The following CCDC187 variants were observed in gnomAD, a reference collection of about 807,000 sequenced individuals.
The protein encoded by CCDC187 is coiled-coil domain-containing protein 187.
Under a neutral mutation model 38.0 loss-of-function variants are expected in CCDC187, and 32 were observed. The ratio of observed to expected loss-of-function variants is 0.84; its 90% CI spans 0.64 to 1.13. The LOEUF (loss-of-function observed/expected upper bound fraction) is 1.13, where lower values mean the gene tolerates loss of function less well. CCDC187 is among the 50% of genes most tolerant of loss of function. CCDC187 has a pLI of 0.00. For synonymous variants in CCDC187, 333 were observed against 347.9 expected (o/e 0.96, Z 0.48); for missense variants, 707 against 786.8 (o/e 0.90, Z 1.21).
At chr9:136,286,063 C>G in intron 8 of CCDC187, 22 bp downstream of exon 8, 1 of 398,362 alleles carries the variant, frequency 2.5e-6, no homozygotes, top group East Asian at 3.6e-5. Context: ...CAGCGGTCAC[C>G]GTGTCCCGGG....
chr9:136,284,132 G>A lies in CCDC187; in HGVS notation c.2927+1381C>T, dbSNP rs1481615997. Among the ~76,000 whole-genome samples the A allele has an allele frequency of 1.6e-4, 24 of 152,244 alleles. No individual in the cohort carries two copies. In the East Asian group the frequency reaches 4.5e-3, roughly 28 times the overall value. On this transcript the variant is annotated intron_variant, in intron 9 of 25. Coordinates refer to ENST00000638797, the MANE Select transcript of CCDC187 (RefSeq NM_001378188.1). ...GTCCCAGCAGGAGGAGAGGGGAGGG[G>A]AGGGGCAGGGAAAGGAGGGAAGGCT...
chr9:136,277,410 G>A (rs1372727038), intron 10 of CCDC187, among the ~76,000 whole-genome samples: 1 of 106,956 alleles, frequency 9.3e-6, no homozygotes, highest in Non-Finnish European at 2.1e-5. Context: ...GGTGCTCACA[G>A]GGTGGGTGGG....
At chr9:136,284,666 G>A (rs1207066786) in intron 9 of CCDC187, among the ~76,000 whole-genome samples, 3 of 152,030 alleles carry the variant, frequency 2.0e-5, no homozygotes, top group Admixed American at 6.5e-5. Flanking sequence ...ACACCAGCAA[G>A]AGCGAGAGGC....
intron 25 of CCDC187, 141 bp from the exon 26 acceptor site, chr9:136,255,275 C>T (rs1214640178): frequency 1.7e-5 from 5 of 291,188 alleles, no homozygotes; most frequent in African/African-American, 2.3e-5. Flanking sequence ...CCAGCGTGTT[C>T]GACCCTTGTG....
At chr9:136,267,695 TC>T in intron 15 of CCDC187, 184 bp from the exon 16 acceptor site, 6 of 918,302 alleles carry the variant, frequency 6.5e-6, no homozygotes, top group Non-Finnish European at 7.8e-6. Context: ...CGCCCTCGCT[TC>T]CCCGACTGTG....
intron 10 of CCDC187, among the ~76,000 whole-genome samples, chr9:136,278,992 A>C (rs1588660661): frequency 1.3e-5 from 2 of 152,244 alleles, no homozygotes; most frequent in Middle Eastern, 3.2e-3. Context: ...GGACAGAGCT[A>C]GTCTACATGT....
chr9:136,287,913 C>T (rs1238600048), intron 7 of CCDC187, among the ~76,000 whole-genome samples: 1 of 152,192 alleles, frequency 6.6e-6, no homozygotes, highest in Non-Finnish European at 1.5e-5. Flanking sequence ...CCAGGCCGGT[C>T]TCAAACTCCT....
rs1347862230 is a variant in CCDC187 at position 136,286,369 on chromosome 9, G to A, written c.2549C>T (p.Ala850Val). 12 of 398,656 alleles carry A rather than the reference G, an allele frequency of 3.0e-5. No homozygotes were observed. The highest frequency in any genetic ancestry group is 5.3e-5 in the Non-Finnish European group (12 of 226,070). The allele number at this position is 398,656 out of a possible 1,614,324, so 24.7% of individuals were successfully genotyped here. The part of the protein sequence containing the change: ...SLTAKLQGAE[A>V]LDTVRDPAVG... ...AGCTGGGTCCCTGACGGTGTCCAGC[G>A]CTTCGGCACCCTGCAGCTTGGCGGT... The change falls in exon 8 of 26, where the codon GCG (alanine) becomes GTG (valine). Residue 850 changes from alanine to valine, a missense_variant. Physicochemically the swap from Ala to Val is moderately conservative, Grantham distance 64. Transcript: ENST00000638797.
intron 3 of CCDC187, among the ~76,000 whole-genome samples, chr9:136,299,497 C>T (rs1035931843): frequency 1.5e-4 from 23 of 152,322 alleles, no homozygotes; most frequent in East Asian, 1.2e-3. Flanking sequence ...GGAATCTTGC[C>T]GGCGTCTGCC....
intron 12 of CCDC187, among the ~76,000 whole-genome samples, chr9:136,275,225 TGCCCCGCCAGG>T (rs1830909564): frequency 6.6e-6 from 1 of 152,074 alleles, no homozygotes; most frequent in Non-Finnish European, 1.5e-5. Flanking sequence ...GGGTGGCCAG[TGCCCCGCCAGG>T]GCTGGAGGGT....
Position 136,291,578 on chromosome 9 carries a change from G to C in CCDC187, c.1035C>G (p.Ser345=), listed in dbSNP as rs890483460. The stretch of plus-strand genomic sequence containing the variant: ...CAGACACCTGCTGGTCACTGTAGGC[G>C]GAGGTGGCATCGGGCAACTGGGCAC... ...PVCAQLPDAT[S]AYSDQQVSGN... The change falls in exon 6 of 26, where the codon TCC becomes TCG. Residue 345 remains serine (S), a synonymous_variant. Coordinates refer to ENST00000638797, the MANE Select transcript of CCDC187 (RefSeq NM_001378188.1). The C allele has an allele frequency of 7.8e-5, 31 of 398,696 alleles. No homozygotes were observed. In the East Asian group the frequency reaches 1.1e-3, roughly 14 times the overall value. The allele number at this position is 398,696 out of a possible 1,614,324, so 24.7% of individuals were successfully genotyped here.
In CCDC187 at chr9:136,252,097, G is replaced by T. The variant is rs1183520878; in HGVS notation, c.*1497C>A. On this transcript the variant is annotated 3_prime_UTR_variant, in exon 26 of 26. Coordinates refer to ENST00000638797, the MANE Select transcript of CCDC187 (RefSeq NM_001378188.1). The stretch of plus-strand genomic sequence containing the variant: ...CGGCCGCCCACCCCGTCCACCAGGG[G>T]AAGGTCCAGGCGACCGTCCCGCAGA... The T allele has an allele frequency of 8.0e-6, 1 of 125,108 alleles. No individual in the cohort carries two copies. The highest frequency in any genetic ancestry group is 3.2e-5 in the African/African-American group (1 of 31,446). 7.7% of individuals were successfully genotyped at this position (125,108 alleles called of 1,614,324 possible).
chr9:136,297,397 G>T (rs943783108), intron 4 of CCDC187, among the ~76,000 whole-genome samples: 19 of 152,240 alleles, frequency 1.2e-4, no homozygotes, highest in Non-Finnish European at 2.5e-4. Flanking sequence ...TCTTAGACTC[G>T]CCCAGTCTCT....
At chr9:136,279,744 T>C (rs1038570410) in intron 10 of CCDC187, among the ~76,000 whole-genome samples, 1 of 152,240 alleles carries the variant, frequency 6.6e-6, no homozygotes, top group Non-Finnish European at 1.5e-5. Context: ...AAGGTGCTGC[T>C]ATGGTTTGAA....
At chr9:136,299,826 G>A (rs1362188991) in intron 3 of CCDC187, among the ~76,000 whole-genome samples, 8 of 152,302 alleles carry the variant, frequency 5.3e-5, no homozygotes, top group Admixed American at 3.9e-4. Context: ...TCTACAAGAC[G>A]GAAAAGTGAG....
In CCDC187 at chr9:136,285,456, TGGGCAGGC is replaced by T. The variant is rs1831155851; in HGVS notation, c.2927+49_2927+56del. On this transcript the variant is annotated intron_variant, in intron 9 of 25. Coordinates refer to ENST00000638797, the MANE Select transcript of CCDC187 (RefSeq NM_001378188.1). Reference sequence around the variant, plus strand: ...GTGGGCAGGTGGGCAGGTGGGCAGGTGGGCAGGCGGGCAGGTGGGCAGGTGGGCAGGTG... The same window carrying T: ...GTGGGCAGGTGGGCAGGTGGGCAGGTGGGCAGGTGGGCAGGTGGGCAGGTG... The T allele has an allele frequency of 1.2e-4, 4 of 32,352 alleles. No individual in the cohort carries two copies. The East Asian group carries it at 2.4e-3, about 20-fold the overall frequency. 2.0% of individuals were successfully genotyped at this position (32,352 alleles called of 1,614,324 possible).
chr9:136,259,253 G>C (rs1406141172), intron 21 of CCDC187, 110 bp downstream of exon 21: 1 of 293,844 alleles, frequency 3.4e-6, no homozygotes, highest in Non-Finnish European at 5.0e-6. Context: ...AGAATGTTGG[G>C]GGGGAGGGTA....
Position 136,263,321 on chromosome 9 carries a change from C to G in CCDC187, c.3912+301G>C, listed in dbSNP as rs569315865. 3.5e-4 allele frequency among the ~76,000 whole-genome samples: 53 copies of G among 151,520 alleles called. 1 individual carries two copies. The East Asian group carries it at 7.4e-3, about 21-fold the overall frequency. ...ATATCTCGGCTCACTGCAGACTCCG[C>G]CCCCCGGGGTTCATGCCATTCTCCT... is the stretch of plus-strand genomic sequence containing the variant. On this transcript the variant is annotated intron_variant, in intron 18 of 25. Transcript: ENST00000638797.
chr9:136,275,473 C>T (rs964670012), intron 12 of CCDC187, among the ~76,000 whole-genome samples: 21 of 151,760 alleles, frequency 1.4e-4, no homozygotes, highest in African/African-American at 3.9e-4. Flanking sequence ...CACACCCACA[C>T]GCGTGCACAC....
Sources: gnomAD v4.1 joint callset for allele counts (sites outside exome capture counted in the v4.1 genomes callset) on GRCh38, gnomAD v4.1.1 for gene constraint, MANE v1.5 for transcripts, NCBI Gene and HGNC (gene_info 2026-07-23, HGNC 2026-07-21) for gene names.